The following RPGRIP1L variants were observed in gnomAD, a reference collection of about 807,000 sequenced individuals.
RPGRIP1L encodes the protein RPGRIP1 like, also known as protein fantom.
A neutral mutation model predicts 160.4 loss-of-function variants in RPGRIP1L; 131 were observed. That is an observed-to-expected ratio of 0.82 (90% confidence interval 0.71 to 0.94). RPGRIP1L has a LOEUF of 0.94. Among genes scored for constraint, RPGRIP1L ranks in the 40% least tolerant of loss-of-function variants. The pLI, the probability that RPGRIP1L is intolerant of heterozygous loss-of-function variation, is 0.00. For synonymous variants in RPGRIP1L, 510 were observed against 515.8 expected (o/e 0.99, Z 0.15); for missense variants, 1,522 against 1,535.8 (o/e 0.99, Z 0.15).
At chr16:53,636,558 T>C (rs1441467935) in intron 21 of RPGRIP1L, 46 bp from the exon 22 acceptor site, 2 of 1,284,490 alleles carry the variant, frequency 1.6e-6, no homozygotes, top group African/African-American at 2.9e-5. Context: ...TTAAACCAAT[T>C]CTACTTATAC....
At chr16:53,629,779 T>C (rs1036002497) in intron 22 of RPGRIP1L, among the ~76,000 whole-genome samples, 1 of 152,188 alleles carries the variant, frequency 6.6e-6, no homozygotes, top group Non-Finnish European at 1.5e-5. Context: ...GTTTTTGGCA[T>C]TGCAGCTATA....
intron 22 of RPGRIP1L, among the ~76,000 whole-genome samples, chr16:53,630,053 T>C (rs1373140748): frequency 6.6e-6 from 1 of 152,160 alleles, no homozygotes; most frequent in African/African-American, 2.4e-5. Context: ...CTTTTGTGTG[T>C]GTGTGTGTTG....
rs755010634 is a variant in RPGRIP1L at position 53,696,121 on chromosome 16, GA to G, written c.230+29del. The G allele has an allele frequency of 1.5e-5, 24 of 1,609,850 alleles. No individual in the cohort carries two copies. In the Admixed American group the frequency reaches 3.7e-4, roughly 25 times the overall value. ...TACCCTCCAAATTTTACTGAGTCAA[GA>G]AAAAAAGCTAAAAGCTTTTTATCAT... On this transcript the variant is annotated intron_variant, in intron 3 of 26. Transcript: ENST00000647211.
At chr16:53,653,267 A>C in intron 14 of RPGRIP1L, 1 of 948,628 alleles carries the variant, frequency 1.1e-6, no homozygotes, top group Non-Finnish European at 1.3e-6. Context: ...AAGCGCTCTT[A>C]ATGAACAGCT....
At chr16:53,619,571 T>C (rs1964586523) in intron 23 of RPGRIP1L, among the ~76,000 whole-genome samples, 2 of 152,238 alleles carry the variant, frequency 1.3e-5, no homozygotes, top group Non-Finnish European at 2.9e-5. Context: ...ATGAAGTACA[T>C]GTTTATCACT....
chr16:53,620,484 C>G (rs1335304438), intron 23 of RPGRIP1L, among the ~76,000 whole-genome samples: 3 of 152,158 alleles, frequency 2.0e-5, no homozygotes, highest in African/African-American at 7.2e-5. Flanking sequence ...CCACACCATT[C>G]TGTCTCCACT....
chr16:53,689,116 AGATT>A (rs1272450117), intron 4 of RPGRIP1L, among the ~76,000 whole-genome samples: 1 of 150,554 alleles, frequency 6.6e-6, no homozygotes, highest in African/African-American at 2.4e-5. Flanking sequence ...AACCTTTTAA[AGATT>A]GATACATAAT....
chr16:53,699,711 G>C (rs962680495), intron 2 of RPGRIP1L, among the ~76,000 whole-genome samples: 2 of 152,062 alleles, frequency 1.3e-5, no homozygotes, highest in Admixed American at 6.5e-5. Context: ...CCAGCTACAT[G>C]GCAGGCTGAG....
chr16:53,621,948 A>G lies in RPGRIP1L; in HGVS notation c.3432+271T>C, dbSNP rs4312301. 0.99 allele frequency among the ~76,000 whole-genome samples: 147,787 copies of G among 148,714 alleles called. 73,436 individuals are homozygous for G. Among genetic ancestry groups the G allele is most frequent in the Middle Eastern group, 1 (284 of 284 alleles). On this transcript the variant is annotated intron_variant, in intron 23 of 26. Coordinates refer to ENST00000647211, the MANE Select transcript of RPGRIP1L (RefSeq NM_015272.5). ...TGAGGCAGGGGAATGGCGTGAACCCAGGGGGCGGAGCTTGCAGTGAGCCGA... is the reference window on the plus strand; with the variant it reads ...TGAGGCAGGGGAATGGCGTGAACCCGGGGGGCGGAGCTTGCAGTGAGCCGA...
chr16:53,671,092 C>CA (rs941130713), intron 9 of RPGRIP1L, among the ~76,000 whole-genome samples: 4 of 151,428 alleles, frequency 2.6e-5, no homozygotes, highest in African/African-American at 7.3e-5. Context: ...GACACTGTCT[C>CA]AAAAAAAAGA....
At chr16:53,627,366 T>C (rs188689202) in intron 22 of RPGRIP1L, among the ~76,000 whole-genome samples, 30 of 152,346 alleles carry the variant, frequency 2.0e-4, no homozygotes, top group Middle Eastern at 6.8e-3. Flanking sequence ...TCTTTAATTT[T>C]TTATTATAAA....
rs530165564 is a variant in RPGRIP1L at position 53,689,937 on chromosome 16, G to A, written c.530-1972C>T. Among the ~76,000 whole-genome samples the A allele has an allele frequency of 6.6e-5, 10 of 152,282 alleles. No individual in the cohort carries two copies. The South Asian group carries it at 1.2e-3, about 19-fold the overall frequency. Reference sequence around the variant, plus strand: ...GTAGTCATGTTTTTAAGAGTCTGCTGATCTGTGGCTCTTAATTTCGCTATA... The same window carrying A: ...GTAGTCATGTTTTTAAGAGTCTGCTAATCTGTGGCTCTTAATTTCGCTATA... On this transcript the variant is annotated intron_variant, in intron 4 of 26. Coordinates refer to ENST00000647211, the MANE Select transcript of RPGRIP1L (RefSeq NM_015272.5).
At chr16:53,610,569 CAAG>C (rs567015053) in intron 25 of RPGRIP1L, among the ~76,000 whole-genome samples, 277 of 152,234 alleles carry the variant, frequency 1.8e-3, no homozygotes, top group African/African-American at 6.6e-3. Context: ...AAGAGAGGTG[CAAG>C]AAGGTTAGGT....
intron 11 of RPGRIP1L, 60 bp from the exon 12 acceptor site, chr16:53,658,524 C>A: frequency 1.5e-6 from 2 of 1,310,174 alleles, no homozygotes. Flanking sequence ...AAGAGACATT[C>A]CAAGTATTCA....
At chr16:53,612,169 T>C (rs944822786) in intron 24 of RPGRIP1L, among the ~76,000 whole-genome samples, 3 of 152,096 alleles carry the variant, frequency 2.0e-5, no homozygotes, top group Non-Finnish European at 4.4e-5. Context: ...GACATAAAGG[T>C]ACCGGTATAG....
Position 53,601,091 on chromosome 16 carries a change from T to C in RPGRIP1L, c.*985A>G, listed in dbSNP as rs1963358263. On this transcript the variant is annotated 3_prime_UTR_variant, in exon 27 of 27. Coordinates refer to ENST00000647211, the MANE Select transcript of RPGRIP1L (RefSeq NM_015272.5). Reference sequence around the variant, plus strand: ...CATTGATTCACAGCTCCATTAAAAATATCAATTAAATCCTTCAGTGAGATT... The same window carrying C: ...CATTGATTCACAGCTCCATTAAAAACATCAATTAAATCCTTCAGTGAGATT... 6.6e-6 allele frequency: 1 copy of C among 152,652 alleles called. No homozygotes were observed. Among genetic ancestry groups the C allele is most frequent in the Non-Finnish European group, 1.5e-5 (1 of 68,042 alleles). 9.5% of individuals were successfully genotyped at this position (152,652 alleles called of 1,614,324 possible).
intron 19 of RPGRIP1L, among the ~76,000 whole-genome samples, chr16:53,638,802 G>A (rs146382392): frequency 1.5e-3 from 234 of 151,740 alleles, no homozygotes; most frequent in African/African-American, 5.3e-3. Flanking sequence ...ACATAGTGTT[G>A]AGTAAAAAAG....
At chr16:53,605,378 T>A in intron 26 of RPGRIP1L, 103 bp downstream of exon 26, 1 of 1,303,816 alleles carries the variant, frequency 7.7e-7, no homozygotes, top group Non-Finnish European at 1.1e-6. Flanking sequence ...TCAAGTAACG[T>A]GTGACTCAGC....
intron 22 of RPGRIP1L, among the ~76,000 whole-genome samples, chr16:53,624,649 A>G (rs1395358859): frequency 6.6e-6 from 1 of 152,160 alleles, no homozygotes; most frequent in Non-Finnish European, 1.5e-5. Context: ...ATGAAATAAG[A>G]CTATCTCAAG....
Sources: gnomAD v4.1 joint callset for allele counts (sites outside exome capture counted in the v4.1 genomes callset) on GRCh38, gnomAD v4.1.1 for gene constraint, MANE v1.5 for transcripts, NCBI Gene and HGNC (gene_info 2026-07-23, HGNC 2026-07-21) for gene names.